Variants in DIS3L2 observed in about 807,000 individuals in gnomAD.
DIS3L2 encodes the protein DIS3-like exonuclease 2.
Under a neutral mutation model 97.5 loss-of-function variants are expected in DIS3L2, and 34 were observed. That is an observed-to-expected ratio of 0.35 (90% confidence interval 0.27 to 0.46). The LOEUF (loss-of-function observed/expected upper bound fraction) is 0.46. DIS3L2 is among the 20% of genes least tolerant of loss of function. The probability of loss-of-function intolerance (pLI) is 1.00; values close to 1 mark genes in which losing one functional copy is unlikely to be tolerated. For synonymous variants in DIS3L2, 435 were observed against 445.2 expected (o/e 0.98, Z 0.29); for missense variants, 1,038 against 1,146.0 (o/e 0.91, Z 1.36).
In DIS3L2 at chr2:231,987,237, C is replaced by G. The variant is rs546679871; in HGVS notation, c.-94+25472C>G. 1.1e-4 allele frequency among the ~76,000 whole-genome samples: 16 copies of G among 152,312 alleles called. No individual in the cohort carries two copies. In the South Asian group the frequency reaches 3.1e-3, roughly 30 times the overall value. On this transcript the variant is annotated intron_variant, in intron 1 of 20. Transcript: ENST00000325385. Reference sequence around the variant, plus strand: ...CTGGAGGAAGGCAGTTTTCTAATCTCTCATCTTTCTGGAAGGTTTTCTTTG... The same window carrying G: ...CTGGAGGAAGGCAGTTTTCTAATCTGTCATCTTTCTGGAAGGTTTTCTTTG...
At chr2:232,135,007 G>A (rs1698319094) in intron 7 of DIS3L2, among the ~76,000 whole-genome samples, 2 of 152,154 alleles carry the variant, frequency 1.3e-5, no homozygotes, top group Non-Finnish European at 2.9e-5. Context: ...CCTGTGGAGT[G>A]CAGCACTGGA....
At chr2:232,275,685 T>C (rs775173953) in intron 13 of DIS3L2, among the ~76,000 whole-genome samples, 1 of 152,234 alleles carries the variant, frequency 6.6e-6, no homozygotes, top group Non-Finnish European at 1.5e-5. Context: ...CTTTAAAATA[T>C]TCCTTTTGAT....
At chr2:232,176,426 A>C (rs1413160038) in intron 9 of DIS3L2, among the ~76,000 whole-genome samples, 1 of 150,224 alleles carries the variant, frequency 6.7e-6, no homozygotes, top group Non-Finnish European at 1.5e-5. Context: ...TTTTCTTCTT[A>C]TTCTTTTTAT....
downstream of DIS3L2, among the ~76,000 whole-genome samples, chr2:232,337,748 C>T (rs1465618991): frequency 6.6e-6 from 1 of 151,930 alleles, no homozygotes; most frequent in Non-Finnish European, 1.5e-5. Flanking sequence ...GATCTGGTTA[C>T]AGTGAATTTT....
chr2:232,176,588 T>C (rs1248684302), intron 9 of DIS3L2, among the ~76,000 whole-genome samples: 1 of 151,570 alleles, frequency 6.6e-6, no homozygotes, highest in Non-Finnish European at 1.5e-5. Context: ...TTCTATGTTT[T>C]GTTTTTGTTT....
rs529372901 is a variant in DIS3L2 at position 231,976,663 on chromosome 2, G to A, written c.-94+14898G>A. 2.7e-5 allele frequency among the ~76,000 whole-genome samples: 4 copies of A among 149,522 alleles called. No individual in the cohort carries two copies. The South Asian group carries it at 8.6e-4, about 32-fold the overall frequency. On this transcript the variant is annotated intron_variant, in intron 1 of 20. Coordinates refer to ENST00000325385, the MANE Select transcript of DIS3L2 (RefSeq NM_152383.5). ...AAAAAATTACAAATTGAAAATGATTGTAATACACCTACTGAACATCATAGC... is the reference window on the plus strand; with the variant it reads ...AAAAAATTACAAATTGAAAATGATTATAATACACCTACTGAACATCATAGC...
At chr2:232,258,121 G>A (rs1195870994) in intron 12 of DIS3L2, among the ~76,000 whole-genome samples, 1 of 152,206 alleles carries the variant, frequency 6.6e-6, no homozygotes, top group African/African-American at 2.4e-5. Context: ...TTGAATTACA[G>A]TGCTGTAGTA....
At chr2:232,176,445 CT>C (rs200751560) in intron 9 of DIS3L2, among the ~76,000 whole-genome samples, 468 of 151,036 alleles carry the variant, frequency 3.1e-3, no homozygotes, top group African/African-American at 0.011. Context: ...ATTTCCTTCT[CT>C]TTTTTTTTAA....
At chr2:231,973,207 C>T (rs1326642166) in intron 1 of DIS3L2, among the ~76,000 whole-genome samples, 1 of 152,094 alleles carries the variant, frequency 6.6e-6, no homozygotes, top group Non-Finnish European at 1.5e-5. Flanking sequence ...CCATATAAGG[C>T]TATTAAAGTT....
chr2:232,253,222 AC>A (rs1382454990), intron 12 of DIS3L2, among the ~76,000 whole-genome samples: 2 of 152,234 alleles, frequency 1.3e-5, no homozygotes, highest in East Asian at 3.8e-4. Context: ...GTTGTTCGAT[AC>A]GAGTATGAGG....
At chr2:232,155,068 C>A (rs199931195) in intron 8 of DIS3L2, among the ~76,000 whole-genome samples, 189 of 145,888 alleles carry the variant, frequency 1.3e-3, no homozygotes, top group Middle Eastern at 3.4e-3. Context: ...GGCTCGCGCA[C>A]GGTGAGCACA....
intron 5 of DIS3L2, among the ~76,000 whole-genome samples, chr2:232,038,448 G>A (rs2106249561): frequency 6.6e-6 from 1 of 152,258 alleles, no homozygotes; most frequent in East Asian, 1.9e-4. Context: ...TGTACAGTAG[G>A]CATGGAAAGC....
chr2:232,129,445 A>G (rs976811341), intron 6 of DIS3L2, among the ~76,000 whole-genome samples: 4 of 152,206 alleles, frequency 2.6e-5, no homozygotes, highest in African/African-American at 9.7e-5. Flanking sequence ...TTTAAAAGAA[A>G]AGTTGAACCT....
downstream of DIS3L2, among the ~76,000 whole-genome samples, chr2:232,341,884 C>G (rs1240126478): frequency 6.6e-6 from 1 of 152,152 alleles, no homozygotes; most frequent in Admixed American, 6.5e-5. Context: ...ATGGAGGGGC[C>G]CACTCTCAGC....
chr2:232,010,685 G>A (rs940055044), intron 1 of DIS3L2, among the ~76,000 whole-genome samples: 1 of 152,044 alleles, frequency 6.6e-6, no homozygotes, highest in Admixed American at 6.5e-5. Context: ...ATACTCGTAA[G>A]TACTAAGGCT....
At chr2:232,081,295 A>G (rs1696385654) in intron 5 of DIS3L2, among the ~76,000 whole-genome samples, 1 of 152,150 alleles carries the variant, frequency 6.6e-6, no homozygotes, top group South Asian at 2.1e-4. Context: ...CATCCATTAT[A>G]AAACTCTGGT....
At chr2:232,071,673 T>A (rs560268790) in intron 5 of DIS3L2, among the ~76,000 whole-genome samples, 60 of 152,264 alleles carry the variant, frequency 3.9e-4, no homozygotes, top group African/African-American at 1.4e-3. Flanking sequence ...ATTGAGAAAG[T>A]CAAGGTCTTG....
chr2:232,101,435 A>T (rs1247128995), intron 6 of DIS3L2, among the ~76,000 whole-genome samples: 1 of 152,184 alleles, frequency 6.6e-6, no homozygotes, highest in Admixed American at 6.5e-5. Context: ...TATGTGGATA[A>T]CTATTTGTAC....
chr2:232,041,603 A>C lies in DIS3L2; in HGVS notation c.366+11523A>C, dbSNP rs776997374. On this transcript the variant is annotated intron_variant, in intron 5 of 20. Coordinates refer to ENST00000325385, the MANE Select transcript of DIS3L2 (RefSeq NM_152383.5). ...TTGGTTGTACCAAAGGAGTCTTGGGAGCCCAGAATTCAGCTGTGGTATTTT... is the reference window on the plus strand; with the variant it reads ...TTGGTTGTACCAAAGGAGTCTTGGGCGCCCAGAATTCAGCTGTGGTATTTT... 2.0e-4 allele frequency among the ~76,000 whole-genome samples: 30 copies of C among 152,220 alleles called. 1 individual carries two copies. The highest frequency in any genetic ancestry group is 5.9e-5 in the Non-Finnish European group (4 of 68,042).
Sources: allele counts gnomAD v4.1 joint callset (sites outside exome capture counted in the v4.1 genomes callset), GRCh38; gene constraint gnomAD v4.1.1; transcripts MANE v1.5; gene names NCBI Gene and HGNC (gene_info 2026-07-23, HGNC 2026-07-21).